ELF2: variants seen among roughly 807,000 people sequenced by gnomAD.
ELF2 encodes the protein E74 like ETS transcription factor 2.
ELF2 carries 11 observed loss-of-function variants against 54.8 expected under a neutral mutation model. The ratio of observed to expected loss-of-function variants is 0.20; its 90% confidence interval spans 0.13 to 0.33. The LOEUF (loss-of-function observed/expected upper bound fraction) is 0.33, where lower values mean the gene tolerates loss of function less well. Among genes scored for constraint, ELF2 ranks in the 10% least tolerant of loss-of-function variants. The probability of loss-of-function intolerance (pLI) is 1.00; values close to 1 mark genes in which losing one functional copy is unlikely to be tolerated. For missense variants in ELF2, 513 were observed against 703.0 expected, an observed-to-expected ratio of 0.73 and a Z score of 3.06; for synonymous variants, 203 against 245.1, an observed-to-expected ratio of 0.83 and a Z score of 1.61.
At chr4:139,159,733 G>A (rs572195267) in intron 1 of ELF2, among the ~76,000 whole-genome samples, 5 of 152,308 alleles carry the variant, frequency 3.3e-5, no homozygotes, top group Admixed American at 3.3e-4. Context: ...GATGAGATCT[G>A]ATGCCTTTTG....
intron 4 of ELF2, among the ~76,000 whole-genome samples, chr4:139,116,401 T>G (rs1735723861): frequency 6.7e-6 from 1 of 150,354 alleles, no homozygotes. Flanking sequence ...CAGTCAATAG[T>G]AGCTTCCAAG....
rs886571475 is a variant in ELF2, at chr4:139,069,115, C to G, written c.527-1345G>C. The stretch of plus-strand genomic sequence containing the variant: ...AACTCCTGAGATCAGGAAATCTGCC[C>G]GCCTCAGCCTCCCAAAGTGCTGGGA... On this transcript the variant is annotated intron_variant, in intron 6 of 9. Transcript: ENST00000686138. Among the ~76,000 whole-genome samples, 3 of 151,938 alleles carry G rather than the reference C, an allele frequency of 2.0e-5. No individual in the cohort carries two copies. In the South Asian group the frequency reaches 6.2e-4, roughly 32 times the overall value.
At chr4:139,062,483 T>A (rs564348703) in intron 7 of ELF2, among the ~76,000 whole-genome samples, 1 of 152,220 alleles carries the variant, frequency 6.6e-6, no homozygotes, top group East Asian at 1.9e-4. Flanking sequence ...TTTCTACTTT[T>A]AAAAAAATGG....
chr4:139,144,011 T>C (rs1174691791), intron 1 of ELF2, among the ~76,000 whole-genome samples: 1 of 151,954 alleles, frequency 6.6e-6, no homozygotes, highest in Non-Finnish European at 1.5e-5. Context: ...GGCATGCCTC[T>C]TCCACTTGGA....
chr4:139,113,854 C>CA (rs34276246), intron 4 of ELF2, among the ~76,000 whole-genome samples: 10 of 145,314 alleles, frequency 6.9e-5, no homozygotes, highest in African/African-American at 1.5e-4. Flanking sequence ...GACCATGTCT[C>CA]AAAAAAAAAA....
At chr4:139,092,422 A>ATAACC (rs1732754275) in intron 4 of ELF2, among the ~76,000 whole-genome samples, 1 of 118,256 alleles carries the variant, frequency 8.5e-6, no homozygotes, top group Non-Finnish European at 1.8e-5. Context: ...CATACATAAC[A>ATAACC]TAACATAACA....
intron 4 of ELF2, among the ~76,000 whole-genome samples, chr4:139,117,335 G>C (rs1735825337): frequency 6.6e-6 from 1 of 152,232 alleles, no homozygotes; most frequent in African/African-American, 2.4e-5. Flanking sequence ...TCTCCTTGTT[G>C]GTAAGATTAG....
chr4:139,083,997 T>G (rs2148734423), intron 4 of ELF2: 2 of 1,449,598 alleles, frequency 1.4e-6, no homozygotes, highest in East Asian at 4.8e-5. Flanking sequence ...CTCCCCCCTT[T>G]CCCCCAGCCG....
intron 4 of ELF2, among the ~76,000 whole-genome samples, chr4:139,082,664 T>G (rs1731281602): frequency 6.6e-6 from 1 of 152,194 alleles, no homozygotes; most frequent in African/African-American, 2.4e-5. Context: ...AGCAAACTAC[T>G]AATTTCAAGT....
intron 1 of ELF2, among the ~76,000 whole-genome samples, chr4:139,174,491 T>A (rs1742705378): frequency 6.6e-6 from 1 of 152,142 alleles, no homozygotes; most frequent in East Asian, 1.9e-4. Context: ...ATTAAAATGC[T>A]GTAAAATTGA....
At chr4:139,107,343 C>T (rs1734516015) in intron 4 of ELF2, among the ~76,000 whole-genome samples, 1 of 152,164 alleles carries the variant, frequency 6.6e-6, no homozygotes, top group African/African-American at 2.4e-5. Context: ...CTACCCTCTT[C>T]ACCACTACTA....
rs184985543 is a variant in ELF2, at chr4:139,124,684, G to A, written c.238+480C>T. 3.2e-4 allele frequency among the ~76,000 whole-genome samples: 48 copies of A among 152,036 alleles called. 1 individual carries two copies. Among genetic ancestry groups the A allele is most frequent in the Admixed American group, 2.4e-3 (36 of 15,272 alleles). On this transcript the variant is annotated intron_variant, in intron 4 of 9. Coordinates refer to ENST00000686138, the MANE Select transcript of ELF2 (RefSeq NM_001331036.3). ...ACTGAAATACTAAGATCTCTAAGAC[G>A]ACAAAAAGCAAAGAGGAAACTGATA...
At chr4:139,071,680 T>TA (rs1452902407) in intron 6 of ELF2, among the ~76,000 whole-genome samples, 186 bp downstream of exon 6, 1 of 152,234 alleles carries the variant, frequency 6.6e-6, no homozygotes, top group East Asian at 1.9e-4. Context: ...ACTAACTCCT[T>TA]TAAACAGTAT....
At position 139,085,723 on chromosome 4, in the gene ELF2, G is replaced by A. The variant is rs116178405; in HGVS notation, c.239-12156C>T. 2.8e-3 allele frequency among the ~76,000 whole-genome samples: 426 copies of A among 152,280 alleles called. 3 individuals are homozygous for A. The highest frequency in any genetic ancestry group is 9.7e-3 in the African/African-American group (401 of 41,542). On this transcript the variant is annotated intron_variant, in intron 4 of 9. Transcript: ENST00000686138. ...TCTCTTTCTTGAATTAGGTAAACCT[G>A]CCATGTATGGGACATGGTAGCTTTT...
chr4:139,164,232 G>C (rs1741492346), intron 1 of ELF2, among the ~76,000 whole-genome samples: 3 of 149,076 alleles, frequency 2.0e-5, no homozygotes, highest in Non-Finnish European at 3.0e-5. Context: ...GAGGGAAAGA[G>C]ATAGAGAAGG....
At chr4:139,077,643 G>A (rs1560778155) in intron 4 of ELF2, among the ~76,000 whole-genome samples, 1 of 151,922 alleles carries the variant, frequency 6.6e-6, no homozygotes, top group African/African-American at 2.4e-5. Flanking sequence ...TCTCCTACTT[G>A]TGTCTGTAAT....
In ELF2 at chr4:139,092,414, T is replaced by TACATAACATA. The variant is rs1553959669; in HGVS notation, c.239-18857_239-18848dup. Among the ~76,000 whole-genome samples the TACATAACATA allele has an allele frequency of 2.2e-3, 196 of 87,800 alleles. 2 individuals are homozygous for TACATAACATA. The highest frequency in any genetic ancestry group is 5.6e-3 in the Admixed American group (44 of 7,858). 57.6% of individuals were successfully genotyped at this position (87,800 alleles called of 152,430 possible). ...TAACATAACATAACATAACATAACATACATAACATAACATAACATAACATA... is the reference window on the plus strand; with the variant it reads ...TAACATAACATAACATAACATAACATACATAACATAACATAACATAACATAACATAACATA... On this transcript the variant is annotated intron_variant, in intron 4 of 9. Transcript: ENST00000686138.
At chr4:139,162,364 T>A (rs1455858327) in intron 1 of ELF2, among the ~76,000 whole-genome samples, 2 of 151,990 alleles carry the variant, frequency 1.3e-5, no homozygotes, top group Admixed American at 6.6e-5. Flanking sequence ...AAACCCCGTC[T>A]CTACTAAACA....
At chr4:139,138,177 G>A (rs1329788001) in intron 2 of ELF2, among the ~76,000 whole-genome samples, 1 of 152,130 alleles carries the variant, frequency 6.6e-6, no homozygotes, top group Non-Finnish European at 1.5e-5. Flanking sequence ...CCAGCACTTT[G>A]GGAGGCCGAG....
Sources: allele counts gnomAD v4.1 joint callset (sites outside exome capture counted in the v4.1 genomes callset), GRCh38; gene constraint gnomAD v4.1.1; transcripts MANE v1.5; gene names NCBI Gene and HGNC (gene_info 2026-07-23, HGNC 2026-07-21).